Variants in PDE6B observed in about 807,000 individuals in gnomAD.
The protein encoded by PDE6B is phosphodiesterase 6B.
A neutral mutation model predicts 109.0 loss-of-function variants in PDE6B; 106 were observed. The ratio of observed to expected loss-of-function variants is 0.97; its 90% confidence interval spans 0.83 to 1.14. The LOEUF (loss-of-function observed/expected upper bound fraction) is 1.14, where lower values mean the gene tolerates loss of function less well. PDE6B is among the 50% of genes most tolerant of loss of function. The pLI is 0.00. For synonymous variants in PDE6B, 490 were observed against 471.3 expected (o/e 1.04, Z -0.51); for missense variants, 1,193 against 1,155.6 (o/e 1.03, Z -0.47).
intron 3 of PDE6B, among the ~76,000 whole-genome samples, chr4:643,185 G>C (rs1404829406): frequency 6.6e-6 from 1 of 152,036 alleles, no homozygotes; most frequent in African/African-American, 2.4e-5. Flanking sequence ...GCAGACATCT[G>C]TAGTCCCAGC....
chr4:654,334 G>A (rs1187426581), intron 5 of PDE6B, 180 bp downstream of exon 5: 1 of 706,776 alleles, frequency 1.4e-6, no homozygotes, highest in Non-Finnish European at 2.6e-6. Context: ...CTCCAGGGAT[G>A]GGGTGTCCAG....
rs749521240 is a variant in PDE6B, at chr4:664,198, G to A, written c.2106G>A (p.Glu702=). 6 of 1,606,292 alleles carry A rather than the reference G, an allele frequency of 3.7e-6. No homozygotes were observed. In the African/African-American group the frequency reaches 8.0e-5, roughly 21 times the overall value. Residue 702 remains glutamate (E), a synonymous_variant, in exon 17 of 22, where the codon GAG becomes GAA. Transcript: ENST00000496514. ...KKSWVEYLSL[E]TTRKEIVMAM... ...GCTGGGTGGAGTACCTGTCCCTGGAGACGACCCGGAAGGAGATCGTCATGT... is the reference window on the plus strand; with the variant it reads ...GCTGGGTGGAGTACCTGTCCCTGGAAACGACCCGGAAGGAGATCGTCATGT...
chr4:636,661 G>A lies in PDE6B; in HGVS notation c.711+692G>A, dbSNP rs866019067. Among the ~76,000 whole-genome samples the A allele has an allele frequency of 2.0e-5, 3 of 152,108 alleles. No homozygotes were observed. The highest frequency in any genetic ancestry group is 4.4e-5 in the Non-Finnish European group (3 of 67,998). On this transcript the variant is annotated intron_variant, in intron 3 of 21. Coordinates refer to ENST00000496514, the MANE Select transcript of PDE6B (RefSeq NM_000283.4). This position sits in a 1 kb window ranked among gnomAD's most constrained non-coding sequence, Gnocchi z 4.5. ...CACAAAGGAGAACTGTGAAGACGGC[G>A]GTCACCTCCTGCCTTCTCCGTGTCT...
chr4:639,644 C>T (rs927188872), intron 3 of PDE6B, among the ~76,000 whole-genome samples: 18 of 152,330 alleles, frequency 1.2e-4, no homozygotes, highest in African/African-American at 4.3e-4. Context: ...CTAAGCCCTG[C>T]TTCTGGCATG....
rs140293006 is a variant in PDE6B at position 649,628 on chromosome 4, C to T, written c.712-4224C>T. On this transcript the variant is annotated intron_variant, in intron 3 of 21. Transcript: ENST00000496514. ...CCCACAAAGGCCTGGGAAGACTGTT[C>T]GCTGGTGGACCCACAGAGGCCTGGG... is the stretch of plus-strand genomic sequence containing the variant. Among the ~76,000 whole-genome samples, 86 of 151,772 alleles carry T rather than the reference C, an allele frequency of 5.7e-4. No individual in the cohort carries two copies. In the East Asian group the frequency reaches 0.012, roughly 22 times the overall value.
rs577895367 is a variant in PDE6B, at chr4:646,059, T to C, written c.712-7793T>C. On this transcript the variant is annotated intron_variant, in intron 3 of 21. Transcript: ENST00000496514. ...AGAAAATATGTTGCTTTCCTGTCAT[T>C]TATTTATTTTCTGCTGCTCTTCCTT... Among the ~76,000 whole-genome samples, 85 of 152,170 alleles carry C rather than the reference T, an allele frequency of 5.6e-4. 2 individuals are homozygous for C. Among genetic ancestry groups the C allele is most frequent in the African/African-American group, 2.0e-3 (82 of 41,422 alleles).
chr4:632,255 C>T (rs1057272913), intron 1 of PDE6B, among the ~76,000 whole-genome samples: 5 of 148,958 alleles, frequency 3.4e-5, no homozygotes, highest in Admixed American at 6.6e-5. Context: ...TGTGTGGATC[C>T]GTGTGGCACT....
At position 654,054 on chromosome 4, in the gene PDE6B, C is replaced by T. The variant is rs764850317; in HGVS notation, c.853-26C>T. The T allele has an allele frequency of 5.6e-6, 9 of 1,613,338 alleles. No homozygotes were observed. The South Asian group carries it at 9.9e-5, about 18-fold the overall frequency. ...CCGACCCAGGTCCCGCAGTGACCGC[C>T]CCACCCTCACCTCTTCTCTGCCCAG... On this transcript the variant is annotated intron_variant, in intron 4 of 21. Transcript: ENST00000496514.
At chr4:655,311 A>T (rs1736089271) in intron 6 of PDE6B, 1 of 295,014 alleles carries the variant, frequency 3.4e-6, no homozygotes, top group Non-Finnish European at 6.6e-6. Context: ...GAGGAGGGGA[A>T]CTCCAGTCCG....
In PDE6B at chr4:663,037, G is replaced by A. The variant is rs1737299295; in HGVS notation, c.1833-63G>A. On this transcript the variant is annotated intron_variant, in intron 14 of 21. Transcript: ENST00000496514. The surrounding 1 kb of genome is among the most constrained non-coding windows in gnomAD (Gnocchi z 4.0). ...AAAGTGGGGCCCATCTGGGGGGGCT[G>A]CAGAGCGCAGGGTGGGCCAAGGGCA... is the stretch of plus-strand genomic sequence containing the variant. The A allele has an allele frequency of 2.2e-6, 2 of 919,920 alleles. No individual in the cohort carries two copies. Among genetic ancestry groups the A allele is most frequent in the South Asian group, 1.3e-5 (1 of 77,240 alleles). 57.0% of individuals were successfully genotyped at this position (919,920 alleles called of 1,614,324 possible). A position where few individuals can be genotyped will look rare whatever the true frequency, so the allele number is the denominator to read the frequency against.
Position 663,217 on chromosome 4 carries a change from T to C in PDE6B, c.1920+30T>C. On this transcript the variant is annotated intron_variant, in intron 15 of 21. Transcript: ENST00000496514. This position sits in a 1 kb window ranked among gnomAD's most constrained non-coding sequence, Gnocchi z 4.0. ...GTATACTCACCCTCGGTTTCTGCTG[T>C]GGGCGCTGGGGACGCAGCGTCCGCA... is the stretch of plus-strand genomic sequence containing the variant. 8.0e-7 allele frequency: 1 copy of C among 1,255,386 alleles called. No individual in the cohort carries two copies. The highest frequency in any genetic ancestry group is 1.2e-6 in the Non-Finnish European group (1 of 852,738). The allele number at this position is 1,255,386 out of a possible 1,614,324, so 77.8% of individuals were successfully genotyped here. A position where few individuals can be genotyped will look rare whatever the true frequency, so the allele number is the denominator to read the frequency against.
intron 1 of PDE6B, among the ~76,000 whole-genome samples, chr4:631,685 A>G (rs1205086269): frequency 6.6e-6 from 1 of 151,296 alleles, no homozygotes; most frequent in Non-Finnish European, 1.5e-5. Context: ...GCTCCATCTG[A>G]GGGTCACGTT....
At chr4:667,747 C>A in intron 20 of PDE6B, 109 bp from the exon 21 acceptor site, 2 of 1,224,888 alleles carry the variant, frequency 1.6e-6, no homozygotes, top group Non-Finnish European at 2.4e-6. Flanking sequence ...GCTCCCTCCT[C>A]CTGCCAGGCA....
rs1019058346 is a variant in PDE6B, at chr4:666,068, G to A, written c.2269-463G>A. Among the ~76,000 whole-genome samples, 4 of 152,170 alleles carry A rather than the reference G, an allele frequency of 2.6e-5. No homozygotes were observed. The highest frequency in any genetic ancestry group is 4.4e-5 in the Non-Finnish European group (3 of 68,020). ...TTCACCCTCCACCAGGACGCTGTGA[G>A]GGGACGGACAGCCCAGGGCACTCGG... On this transcript the variant is annotated intron_variant, in intron 19 of 21. Transcript: ENST00000496514. The surrounding 1 kb of genome is among the most constrained non-coding windows in gnomAD (Gnocchi z 5.6).
chr4:631,414 C>T (rs1283267046), intron 1 of PDE6B, among the ~76,000 whole-genome samples: 1 of 150,442 alleles, frequency 6.6e-6, no homozygotes, highest in Non-Finnish European at 1.5e-5. Context: ...ATCTGTGTGG[C>T]TCCATCTAAG....
chr4:658,927 G>A (rs370704907), intron 10 of PDE6B, 25 bp from the exon 11 acceptor site: 45 of 1,584,674 alleles, frequency 2.8e-5, no homozygotes, highest in Admixed American at 1.2e-4. Context: ...GCTCTTTCTC[G>A]TGACACATCT....
rs1734671402 is a variant in PDE6B, at chr4:636,207, C to A, written c.711+238C>A. ...GGCCAGAGTGGGTGTGAGGCACCTG[C>A]AGAGGGGGAAAGGGGCACCTTTCCT... On this transcript the variant is annotated intron_variant, in intron 3 of 21. Transcript: ENST00000496514. This position sits in a 1 kb window ranked among gnomAD's most constrained non-coding sequence, Gnocchi z 4.5. 6.6e-6 allele frequency among the ~76,000 whole-genome samples: 1 copy of A among 152,184 alleles called. No homozygotes were observed. Among genetic ancestry groups the A allele is most frequent in the Admixed American group, 6.5e-5 (1 of 15,286 alleles).
intron 3 of PDE6B, among the ~76,000 whole-genome samples, chr4:647,795 A>G (rs1577259542): frequency 6.6e-6 from 1 of 152,168 alleles, no homozygotes; most frequent in African/African-American, 2.4e-5. Flanking sequence ...GGCTCTGGCC[A>G]GGTGTGATGG....
At chr4:659,498 TGTAC>T (rs1188085416) in intron 11 of PDE6B, among the ~76,000 whole-genome samples, 2 of 151,956 alleles carry the variant, frequency 1.3e-5, no homozygotes, top group African/African-American at 4.8e-5. Context: ...TGCACAAGTG[TGTAC>T]GTGTGTGTGC....
Sources: gnomAD v4.1 joint callset for allele counts (sites outside exome capture counted in the v4.1 genomes callset) on GRCh38, gnomAD v4.1.1 for gene constraint, Gnocchi (gnomAD v3.1) non-coding constraint, MANE v1.5 for transcripts, NCBI Gene and HGNC (gene_info 2026-07-23, HGNC 2026-07-21) for gene names.